Variants in ARHGAP10 observed in about 807,000 individuals in gnomAD.
The protein encoded by ARHGAP10 is Rho GTPase activating protein 10, also known as rho GTPase-activating protein 10.
A neutral mutation model predicts 108.6 loss-of-function variants in ARHGAP10; 87 were observed. The ratio of observed to expected loss-of-function variants is 0.80; its 90% CI spans 0.67 to 0.96. ARHGAP10 has a LOEUF of 0.96. Ranked by LOEUF, ARHGAP10 falls within the 40% of genes least tolerant of loss-of-function variation. The pLI is 0.00. For missense variants in ARHGAP10, 939 were observed against 954.5 expected (o/e 0.98, Z 0.21); for synonymous variants, 347 against 341.1 (o/e 1.02, Z -0.19).
intron 20 of ARHGAP10, among the ~76,000 whole-genome samples, chr4:148,049,280 T>TAAGG (rs1412553057): frequency 6.6e-6 from 1 of 152,194 alleles, no homozygotes; most frequent in Non-Finnish European, 1.5e-5. Context: ...CTTGCCATTC[T>TAAGG]AAGGAGTTCC....
At chr4:147,766,994 G>A (rs934169649) in intron 1 of ARHGAP10, among the ~76,000 whole-genome samples, 6 of 151,418 alleles carry the variant, frequency 4.0e-5, no homozygotes, top group East Asian at 1.9e-4. Context: ...GATTACAGGC[G>A]CCTGCCACCA....
chr4:147,838,384 T>C (rs1156558103), intron 3 of ARHGAP10, among the ~76,000 whole-genome samples: 3 of 152,038 alleles, frequency 2.0e-5, no homozygotes, highest in Non-Finnish European at 4.4e-5. Context: ...GCAGGAGGAT[T>C]GTTTCAGCCC....
At chr4:147,772,448 A>G (rs1730121233) in intron 1 of ARHGAP10, among the ~76,000 whole-genome samples, 1 of 152,216 alleles carries the variant, frequency 6.6e-6, no homozygotes. Flanking sequence ...AGAGCAAGGT[A>G]GGATAGGCGA....
At chr4:148,063,969 C>T (rs867315803) in intron 21 of ARHGAP10, among the ~76,000 whole-genome samples, 3 of 152,298 alleles carry the variant, frequency 2.0e-5, no homozygotes, top group Non-Finnish European at 2.9e-5. Context: ...GGTGGCCACC[C>T]GGAGTGGATC....
chr4:147,938,158 T>C (rs1187290115), intron 13 of ARHGAP10, among the ~76,000 whole-genome samples: 4 of 151,924 alleles, frequency 2.6e-5, no homozygotes, highest in Non-Finnish European at 4.4e-5. Flanking sequence ...GGGAGCTAAA[T>C]GATGAGAACT....
chr4:148,064,578 C>A, intron 22 of ARHGAP10, 71 bp downstream of exon 22: 1 of 1,366,066 alleles, frequency 7.3e-7, no homozygotes, highest in Admixed American at 1.7e-5. Flanking sequence ...ATGGAGTGAG[C>A]AGTCAGCGAT....
Position 147,904,793 on chromosome 4 carries a change from T to C in ARHGAP10, c.1035-1845T>C, listed in dbSNP as rs1736400754. Among the ~76,000 whole-genome samples, 5 of 152,354 alleles carry C rather than the reference T, an allele frequency of 3.3e-5. No homozygotes were observed. In the South Asian group the frequency reaches 8.3e-4, roughly 25 times the overall value. On this transcript the variant is annotated intron_variant, in intron 10 of 22. Transcript: ENST00000336498. ...AATAGTATTTCTAGTTCTAGATCCC[T>C]GAGGAATCGCCACACTGACTTCCAC... is the stretch of plus-strand genomic sequence containing the variant.
intron 15 of ARHGAP10, among the ~76,000 whole-genome samples, chr4:147,951,241 C>T (rs960888928): frequency 1.3e-5 from 2 of 151,926 alleles, no homozygotes; most frequent in Non-Finnish European, 1.5e-5. Context: ...CCCCCTCCCT[C>T]GACCCCACTT....
chr4:147,904,595 T>C (rs1027316947), intron 10 of ARHGAP10, among the ~76,000 whole-genome samples: 1 of 152,226 alleles, frequency 6.6e-6, no homozygotes, highest in African/African-American at 2.4e-5. Context: ...TATTCCATGA[T>C]GTATATGTGC....
At position 147,772,328 on chromosome 4, in the gene ARHGAP10, T is replaced by C. The variant is rs557924706; in HGVS notation, c.154+39873T>C. On this transcript the variant is annotated intron_variant, in intron 1 of 22. Transcript: ENST00000336498. Reference sequence around the variant, plus strand: ...AGTGTGTATCTGCCAGTTGACACTTTACATCACACAGTTTGTGATTTTTAG... The same window carrying C: ...AGTGTGTATCTGCCAGTTGACACTTCACATCACACAGTTTGTGATTTTTAG... Among the ~76,000 whole-genome samples the C allele has an allele frequency of 9.2e-5, 14 of 152,368 alleles. No homozygotes were observed. The South Asian group carries it at 2.7e-3, about 29-fold the overall frequency.
At chr4:147,847,334 T>G in intron 4 of ARHGAP10, 112 bp downstream of exon 4, 1 of 991,626 alleles carries the variant, frequency 1.0e-6, no homozygotes, top group Non-Finnish European at 1.5e-6. Context: ...AACCATCTGT[T>G]GTTTTGTTTG....
At chr4:147,776,580 G>A (rs984419912) in intron 1 of ARHGAP10, among the ~76,000 whole-genome samples, 1 of 152,146 alleles carries the variant, frequency 6.6e-6, no homozygotes, top group African/African-American at 2.4e-5. Flanking sequence ...TCCCTTCAGA[G>A]ACTTACCTGT....
chr4:147,744,650 G>A (rs1728832480), intron 1 of ARHGAP10, among the ~76,000 whole-genome samples: 1 of 152,006 alleles, frequency 6.6e-6, no homozygotes. Context: ...GGGTGTGGGG[G>A]CTGCCCTGAC....
chr4:147,867,646 G>A (rs1020469071), intron 7 of ARHGAP10, among the ~76,000 whole-genome samples: 11 of 151,904 alleles, frequency 7.2e-5, no homozygotes, highest in South Asian at 2.1e-4. Context: ...CGGGCAGATC[G>A]CGAGGTCAAG....
intron 15 of ARHGAP10, among the ~76,000 whole-genome samples, chr4:147,949,135 T>G (rs1017987732): frequency 1.6e-4 from 25 of 152,204 alleles, no homozygotes; most frequent in African/African-American, 6.0e-4. Context: ...TCAAGTGCTT[T>G]GTGTAAAGAA....
At chr4:147,949,979 C>T (rs1738534322) in intron 15 of ARHGAP10, among the ~76,000 whole-genome samples, 1 of 152,104 alleles carries the variant, frequency 6.6e-6, no homozygotes, top group Admixed American at 6.5e-5. Flanking sequence ...TTCCTTATTG[C>T]CCCTGGTCTT....
chr4:147,864,205 G>A (rs977096312), intron 5 of ARHGAP10: 1 of 152,356 alleles, frequency 6.6e-6, no homozygotes, highest in African/African-American at 2.4e-5. Context: ...GGCAAGCTAA[G>A]CTGGAAGCTT....
chr4:147,734,226 C>T (rs932890860), intron 1 of ARHGAP10, among the ~76,000 whole-genome samples: 3 of 152,074 alleles, frequency 2.0e-5, no homozygotes, highest in East Asian at 1.9e-4. Flanking sequence ...GCCAGTTTGG[C>T]CACTGGTAGA....
At chr4:147,959,509 C>T (rs1023556797) in intron 16 of ARHGAP10, among the ~76,000 whole-genome samples, 9 of 151,876 alleles carry the variant, frequency 5.9e-5, no homozygotes, top group African/African-American at 1.7e-4. Flanking sequence ...TAATGCTATC[C>T]CTCCCCGCTC....
Sources: allele counts gnomAD v4.1 joint callset (sites outside exome capture counted in the v4.1 genomes callset), GRCh38; gene constraint gnomAD v4.1.1; transcripts MANE v1.5; gene names NCBI Gene and HGNC (gene_info 2026-07-23, HGNC 2026-07-21).